Variants in NTM observed in about 807,000 individuals in gnomAD.
The protein encoded by NTM is IgLON family member 2.
NTM carries 13 observed loss-of-function variants against 42.1 expected under a neutral mutation model. That is an observed-to-expected ratio of 0.31 (90% CI 0.20 to 0.49). NTM has a LOEUF of 0.49. Among genes scored for constraint, NTM ranks in the 20% least tolerant of loss-of-function variants. The probability of loss-of-function intolerance (pLI) is 0.99; values close to 1 mark genes in which losing one functional copy is unlikely to be tolerated. For missense variants in NTM, 373 were observed against 452.8 expected, an observed-to-expected ratio of 0.82 and a Z score of 1.60; for synonymous variants, 187 against 179.2, an observed-to-expected ratio of 1.04 and a Z score of -0.35.
intron 1 of NTM, among the ~76,000 whole-genome samples, chr11:131,734,574 A>G (rs775673996): frequency 6.6e-6 from 1 of 152,108 alleles, no homozygotes; most frequent in Non-Finnish European, 1.5e-5. Flanking sequence ...GCAGTCAAGA[A>G]TGCCTGCTTC....
chr11:131,413,023 G>A (rs1946584372), intron 1 of NTM, among the ~76,000 whole-genome samples: 1 of 152,062 alleles, frequency 6.6e-6, no homozygotes, highest in African/African-American at 2.4e-5. Flanking sequence ...ACTGCCTTGG[G>A]GTGAAGACGA....
At chr11:131,743,646 A>G (rs143529951) in intron 1 of NTM, among the ~76,000 whole-genome samples, 2 of 152,336 alleles carry the variant, frequency 1.3e-5, no homozygotes, top group African/African-American at 4.8e-5. Flanking sequence ...AACTCTGCAA[A>G]TACACCTGCA....
At chr11:131,462,270 C>G (rs1951451558) in intron 1 of NTM, among the ~76,000 whole-genome samples, 1 of 152,060 alleles carries the variant, frequency 6.6e-6, no homozygotes, top group Non-Finnish European at 1.5e-5. Context: ...TAAATGGGCA[C>G]AAGAGAATTT....
chr11:132,155,099 C>T (rs1249477327), intron 3 of NTM, among the ~76,000 whole-genome samples: 1 of 152,112 alleles, frequency 6.6e-6, no homozygotes, highest in Non-Finnish European at 1.5e-5. Flanking sequence ...TGGGAGTCTG[C>T]ACAATGAACC....
At chr11:131,427,884 C>T (rs1948299734) in intron 1 of NTM, among the ~76,000 whole-genome samples, 1 of 152,198 alleles carries the variant, frequency 6.6e-6, no homozygotes, top group Non-Finnish European at 1.5e-5. Context: ...CCGTGAAAAC[C>T]CATGTTTGCT....
At chr11:131,581,186 G>A (rs567993096) in intron 1 of NTM, among the ~76,000 whole-genome samples, 87 of 152,348 alleles carry the variant, frequency 5.7e-4, no homozygotes, top group South Asian at 1.7e-3. Flanking sequence ...TCCCCTTGGT[G>A]GGCGGAGCCC....
chr11:131,573,774 C>T (rs1018747004), intron 1 of NTM, among the ~76,000 whole-genome samples: 1 of 152,178 alleles, frequency 6.6e-6, no homozygotes, highest in Non-Finnish European at 1.5e-5. Flanking sequence ...GGCCCTTTCT[C>T]TTGAAGAGTG....
At chr11:132,328,390 A>G (rs1337540173) in intron 7 of NTM, among the ~76,000 whole-genome samples, 2 of 152,184 alleles carry the variant, frequency 1.3e-5, no homozygotes, top group African/African-American at 4.8e-5. Context: ...GTGGACACTA[A>G]AAAGAGTTGG....
intron 1 of NTM, among the ~76,000 whole-genome samples, chr11:131,570,693 C>A (rs1225364422): frequency 1.3e-5 from 2 of 152,064 alleles, no homozygotes; most frequent in Non-Finnish European, 1.5e-5. Flanking sequence ...CGTGGTGGTG[C>A]GTGCCAGTAG....
At chr11:131,990,281 A>G (rs572213506) in intron 2 of NTM, among the ~76,000 whole-genome samples, 1 of 152,164 alleles carries the variant, frequency 6.6e-6, no homozygotes, top group Non-Finnish European at 1.5e-5. Context: ...TAATGTGGCC[A>G]TGCTGCATAT....
intron 1 of NTM, among the ~76,000 whole-genome samples, chr11:131,456,841 G>C (rs535514452): frequency 6.7e-6 from 1 of 150,200 alleles, no homozygotes; most frequent in Admixed American, 6.6e-5. Context: ...AGCTAAATTG[G>C]ATTATTTGCT....
chr11:131,879,456 A>G (rs1248656182), intron 1 of NTM, among the ~76,000 whole-genome samples: 1 of 152,078 alleles, frequency 6.6e-6, no homozygotes, highest in African/African-American at 2.4e-5. Context: ...TGACAGCCCC[A>G]CTCCCAACCA....
intron 1 of NTM, among the ~76,000 whole-genome samples, chr11:131,443,040 C>A (rs1403046693): frequency 6.6e-6 from 1 of 152,072 alleles, no homozygotes; most frequent in Non-Finnish European, 1.5e-5. Flanking sequence ...ATTTTTAGTT[C>A]TTTGAGAAAT....
intron 1 of NTM, among the ~76,000 whole-genome samples, chr11:131,788,879 C>T (rs1015018774): frequency 3.3e-5 from 5 of 152,276 alleles, no homozygotes; most frequent in Non-Finnish European, 7.4e-5. Flanking sequence ...GCAATCTCTC[C>T]GTGGCCACCT....
intron 7 of NTM, among the ~76,000 whole-genome samples, chr11:132,320,960 A>G (rs1450868663): frequency 2.6e-5 from 4 of 151,090 alleles, no homozygotes; most frequent in Non-Finnish European, 5.9e-5. Context: ...CCTGCAGCTG[A>G]GGGTCCTGTC....
chr11:132,310,353 A>G (rs917687378), intron 6 of NTM, 121 bp downstream of exon 6: 2 of 939,306 alleles, frequency 2.1e-6, no homozygotes, highest in African/African-American at 3.4e-5. Context: ...ACTTATCTCT[A>G]TAGGGGGCAA....
intron 1 of NTM, among the ~76,000 whole-genome samples, chr11:131,732,711 G>GT (rs1477173992): frequency 6.6e-6 from 1 of 152,132 alleles, no homozygotes; most frequent in Non-Finnish European, 1.5e-5. Context: ...GAGATAATGG[G>GT]TTTTATGTAT....
At chr11:131,468,487 T>C (rs1461943878) in intron 1 of NTM, among the ~76,000 whole-genome samples, 2 of 152,248 alleles carry the variant, frequency 1.3e-5, no homozygotes, top group African/African-American at 4.8e-5. Context: ...GAAAGTCAGC[T>C]TATGCATTTA....
chr11:132,011,517 C>A (rs1054545853), intron 2 of NTM, among the ~76,000 whole-genome samples: 3 of 152,124 alleles, frequency 2.0e-5, no homozygotes, highest in Non-Finnish European at 4.4e-5. Context: ...CTAATGTGTT[C>A]TTTTTTTCTT....
Sources: gnomAD v4.1 joint callset for allele counts (sites outside exome capture counted in the v4.1 genomes callset) on GRCh38, gnomAD v4.1.1 for gene constraint, MANE v1.5 for transcripts, NCBI Gene and HGNC (gene_info 2026-07-23, HGNC 2026-07-21) for gene names.